Variants in RPS6KA2 observed in about 807,000 individuals in gnomAD.
RPS6KA2 encodes ribosomal protein S6 kinase A2.
Under a neutral mutation model 91.8 loss-of-function variants are expected in RPS6KA2, and 42 were observed. The ratio of observed to expected loss-of-function variants is 0.46; its 90% CI spans 0.36 to 0.59. The LOEUF (loss-of-function observed/expected upper bound fraction) is 0.59, where lower values mean the gene tolerates loss of function less well. Among genes scored for constraint, RPS6KA2 ranks in the 20% least tolerant of loss-of-function variants. The pLI, the probability that RPS6KA2 is intolerant of heterozygous loss-of-function variation, is 0.00. For synonymous variants in RPS6KA2, 414 were observed against 393.6 expected (o/e 1.05, Z -0.61); for missense variants, 798 against 978.5 (o/e 0.82, Z 2.46).
At chr6:166,829,217 C>T (rs1300141245) in intron 2 of RPS6KA2, among the ~76,000 whole-genome samples, 6 of 152,156 alleles carry the variant, frequency 3.9e-5, no homozygotes, top group South Asian at 2.1e-4. Context: ...GAAACTGAAA[C>T]CTTTGTGGCA....
chr6:166,693,114 G>A (rs1309001417), intron 2 of RPS6KA2, among the ~76,000 whole-genome samples: 1 of 152,200 alleles, frequency 6.6e-6, no homozygotes, highest in Non-Finnish European at 1.5e-5. Flanking sequence ...TACTCTTTCC[G>A]TTGGGTGGCA....
intron 1 of RPS6KA2, among the ~76,000 whole-genome samples, chr6:166,547,109 G>A (rs1020816394): frequency 6.6e-6 from 1 of 152,252 alleles, no homozygotes; most frequent in East Asian, 1.9e-4. Flanking sequence ...CAAGTGTACT[G>A]AGCAAAATCG....
chr6:166,693,779 T>C (rs1437647311), intron 2 of RPS6KA2, among the ~76,000 whole-genome samples: 2 of 151,962 alleles, frequency 1.3e-5, no homozygotes, highest in East Asian at 3.9e-4. Flanking sequence ...TTAATTGGAG[T>C]CAGCAATTTG....
chr6:166,426,042 A>G (rs999472263), intron 16 of RPS6KA2, among the ~76,000 whole-genome samples: 1,677 of 152,130 alleles, frequency 0.011, 28 homozygotes, highest in African/African-American at 0.036. Context: ...AATTGACCAC[A>G]TAGTTGGAAG....
Position 166,603,607 on chromosome 6 carries a change from T to C in RPS6KA2, c.99+23314A>G, listed in dbSNP as rs1785830634. On this transcript the variant is annotated intron_variant, in intron 1 of 20. Transcript: ENST00000265678. The surrounding 1 kb of genome is among the most constrained non-coding windows in gnomAD (Gnocchi z 4.3). ...GCTGAAGGAGTCATGGGAGGGGACA[T>C]GACAGAAGATGCTTCCACCTGGGCA... Among the ~76,000 whole-genome samples, 2 of 152,128 alleles carry C rather than the reference T, an allele frequency of 1.3e-5. No individual in the cohort carries two copies. The highest frequency in any genetic ancestry group is 2.1e-4 in the South Asian group (1 of 4,824).
At chr6:166,830,682 G>C (rs1780162974) in intron 2 of RPS6KA2, among the ~76,000 whole-genome samples, 1 of 152,128 alleles carries the variant, frequency 6.6e-6, no homozygotes, top group Admixed American at 6.5e-5. Context: ...TGAGCCCACA[G>C]CTTTCTGCTG....
At chr6:166,591,159 G>T (rs1246711031) in intron 1 of RPS6KA2, among the ~76,000 whole-genome samples, 1 of 152,226 alleles carries the variant, frequency 6.6e-6, no homozygotes, top group Non-Finnish European at 1.5e-5. Context: ...ACTCTTCATA[G>T]ATGCAGGTGA....
chr6:166,847,421 T>C (rs1253605122), intron 2 of RPS6KA2, among the ~76,000 whole-genome samples: 1 of 152,136 alleles, frequency 6.6e-6, no homozygotes, highest in Admixed American at 6.5e-5. Context: ...CTAAAATTCA[T>C]ATGGAACCAA....
At chr6:166,590,463 G>A (rs980427153) in intron 1 of RPS6KA2, among the ~76,000 whole-genome samples, 1 of 152,202 alleles carries the variant, frequency 6.6e-6, no homozygotes, top group Admixed American at 6.5e-5. Flanking sequence ...CTGGCGAGGA[G>A]CATGACTTAG....
At chr6:166,632,901 C>T (rs769543336) in intron 2 of RPS6KA2, among the ~76,000 whole-genome samples, 8 of 152,066 alleles carry the variant, frequency 5.3e-5, no homozygotes, top group Middle Eastern at 3.2e-3. Flanking sequence ...CAGAGGACAA[C>T]GTGGACTCAA....
At chr6:166,731,295 G>T (rs555812120) in intron 2 of RPS6KA2, among the ~76,000 whole-genome samples, 1 of 152,224 alleles carries the variant, frequency 6.6e-6, no homozygotes, top group African/African-American at 2.4e-5. Context: ...CAATGAAGAG[G>T]CAAGTATGTT....
At chr6:166,842,697 C>T (rs1780515356) in intron 2 of RPS6KA2, among the ~76,000 whole-genome samples, 1 of 152,242 alleles carries the variant, frequency 6.6e-6, no homozygotes, top group South Asian at 2.1e-4. Context: ...CCGGCCAGCT[C>T]CGTGCTTCTT....
intron 16 of RPS6KA2, among the ~76,000 whole-genome samples, chr6:166,428,609 A>G (rs2128444410): frequency 7.4e-6 from 1 of 135,348 alleles, no homozygotes; most frequent in East Asian, 2.0e-4. Context: ...AATTTACAAG[A>G]AAAAAAAAAA....
At chr6:166,572,254 A>G (rs1784711264) in intron 1 of RPS6KA2, among the ~76,000 whole-genome samples, 1 of 152,238 alleles carries the variant, frequency 6.6e-6, no homozygotes, top group Non-Finnish European at 1.5e-5. Context: ...GGAATATCTG[A>G]TACAATGTCT....
At chr6:166,839,684 AGAGGAGAGGG>A (rs1780411397) in intron 2 of RPS6KA2, among the ~76,000 whole-genome samples, 6 of 23,848 alleles carry the variant, frequency 2.5e-4, no homozygotes, top group African/African-American at 6.9e-4. Context: ...TCAGAGCAGG[AGAGGAGAGGG>A]GAGGAGAGGA....
chr6:166,533,950 C>T lies in RPS6KA2; in HGVS notation c.217-2637G>A, dbSNP rs1016470710. Among the ~76,000 whole-genome samples, 4 of 152,108 alleles carry T rather than the reference C, an allele frequency of 2.6e-5. No homozygotes were observed. The highest frequency in any genetic ancestry group is 4.8e-5 in the African/African-American group (2 of 41,508). Reference sequence around the variant, plus strand: ...TAAAAATAAAAATTAGGGCTGGGTGCGGTGGCTCACGCCTGTAATCCCAGC... The same window carrying T: ...TAAAAATAAAAATTAGGGCTGGGTGTGGTGGCTCACGCCTGTAATCCCAGC... On this transcript the variant is annotated intron_variant, in intron 2 of 20. Transcript: ENST00000265678. This position sits in a 1 kb window ranked among gnomAD's most constrained non-coding sequence, Gnocchi z 4.0.
chr6:166,580,020 A>G (rs1784956658), intron 1 of RPS6KA2, among the ~76,000 whole-genome samples: 1 of 152,386 alleles, frequency 6.6e-6, no homozygotes, highest in East Asian at 1.9e-4. Flanking sequence ...AGCATTGAAC[A>G]TGCTTAAAGG....
chr6:166,465,651 C>T (rs1273284225), intron 11 of RPS6KA2, among the ~76,000 whole-genome samples: 1 of 152,206 alleles, frequency 6.6e-6, no homozygotes, highest in African/African-American at 2.4e-5. Context: ...CTCCTTCTGC[C>T]CCTCTGCTGG....
chr6:166,743,909 C>T (rs1374411005), intron 2 of RPS6KA2, among the ~76,000 whole-genome samples: 1 of 152,110 alleles, frequency 6.6e-6, no homozygotes, highest in Non-Finnish European at 1.5e-5. Flanking sequence ...GCACCATCTC[C>T]CTTAGCAGCA....
Sources: gnomAD v4.1 joint callset for allele counts (sites outside exome capture counted in the v4.1 genomes callset) on GRCh38, gnomAD v4.1.1 for gene constraint, Gnocchi (gnomAD v3.1) non-coding constraint, MANE v1.5 for transcripts, NCBI Gene and HGNC (gene_info 2026-07-23, HGNC 2026-07-21) for gene names.